Variants in PPM1B observed in about 807,000 individuals in gnomAD.
PPM1B encodes the protein protein phosphatase 1B.
PPM1B carries 22 observed loss-of-function variants against 43.0 expected under a neutral mutation model. That is an observed-to-expected ratio of 0.51 (90% CI 0.37 to 0.73). PPM1B has a LOEUF of 0.73. Ranked by LOEUF, PPM1B falls within the 30% of genes least tolerant of loss-of-function variation. PPM1B has a pLI of 0.00. For synonymous variants in PPM1B, 217 were observed against 197.9 expected, an observed-to-expected ratio of 1.10 and a Z score of -0.81; for missense variants, 632 against 584.2, an observed-to-expected ratio of 1.08 and a Z score of -0.84.
chr2:44,175,298 C>T (rs1035437435), intron 1 of PPM1B, among the ~76,000 whole-genome samples: 3 of 152,068 alleles, frequency 2.0e-5, no homozygotes, highest in Non-Finnish European at 2.9e-5. Flanking sequence ...ATTCAAAGCA[C>T]TCCAAATGTT....
rs994981495 is a variant in PPM1B, at chr2:44,169,271, T to C, written c.-18T>C. Reference sequence around the variant, plus strand: ...CTAGACATCTTCTCCCTCCCTTGCCTCAGGTAAGGCCGCCCGGCACCCCGC... The same window carrying C: ...CTAGACATCTTCTCCCTCCCTTGCCCCAGGTAAGGCCGCCCGGCACCCCGC... On this transcript the variant is annotated 5_prime_UTR_variant, in exon 1 of 6. Transcript: ENST00000282412. 1.3e-5 allele frequency: 2 copies of C among 152,790 alleles called. No individual in the cohort carries two copies. Among genetic ancestry groups the C allele is most frequent in the Non-Finnish European group, 2.9e-5 (2 of 68,226 alleles). The allele number at this position is 152,790 out of a possible 1,614,324, so 9.5% of individuals were successfully genotyped here. A position where few individuals can be genotyped will look rare whatever the true frequency, so the allele number is the denominator to read the frequency against.
intron 1 of PPM1B, among the ~76,000 whole-genome samples, chr2:44,198,675 A>G (rs1452921180): frequency 6.6e-6 from 1 of 152,194 alleles, no homozygotes; most frequent in Non-Finnish European, 1.5e-5. Flanking sequence ...ATGAAACGAA[A>G]TAATAAGAGG....
rs397964846 is a variant in PPM1B, at chr2:44,227,518, C to CTTT, written c.1135-2881_1135-2879dup. Among the ~76,000 whole-genome samples, 118 of 138,966 alleles carry CTTT rather than the reference C, an allele frequency of 8.5e-4. 2 individuals carry two copies. The highest frequency in any genetic ancestry group is 3.8e-3 in the Middle Eastern group (1 of 264). The allele number at this position is 138,966 out of a possible 152,430, so 91.2% of individuals were successfully genotyped here. A position where few individuals can be genotyped will look rare whatever the true frequency, so the allele number is the denominator to read the frequency against. On this transcript the variant is annotated intron_variant, in intron 5 of 5. Transcript: ENST00000282412. ...AAGCATGGGCCATACACAGTATCAT[C>CTTT]TTTTTTTTTTTTTTTTGGAGATGGA...
intron 1 of PPM1B, among the ~76,000 whole-genome samples, chr2:44,179,327 A>C (rs1667745085): frequency 6.6e-6 from 1 of 152,114 alleles, no homozygotes; most frequent in African/African-American, 2.4e-5. Flanking sequence ...AGTACTAATA[A>C]ATTAAATATT....
downstream of PPM1B, chr2:44,233,480 A>G (rs1272025036): frequency 1.0e-6 from 1 of 984,510 alleles, no homozygotes; most frequent in Non-Finnish European, 1.2e-6. Flanking sequence ...GAACATGAAG[A>G]GTAAAGTATT....
downstream of PPM1B, chr2:44,233,612 T>C (rs1433417088): frequency 2.0e-6 from 2 of 985,696 alleles, no homozygotes; most frequent in African/African-American, 3.5e-5. Context: ...CAGCAGGATG[T>C]AATTGCCCTT....
At position 44,218,463 on chromosome 2, in the gene PPM1B, A is replaced by ATGTTTT; in HGVS notation, c.1077-15_1077-10dup. ...CTGTGTAATTTAATAAAACTAAAGC[A>ATGTTTT]TGTTTTTTTTTTTTAGGCGTAATGT... On this transcript the variant is annotated splice_polypyrimidine_tract_variant and intron_variant, in intron 4 of 5. Coordinates refer to ENST00000282412, the MANE Select transcript of PPM1B (RefSeq NM_002706.6). 3 of 1,475,192 alleles carry ATGTTTT rather than the reference A, an allele frequency of 2.0e-6. No individual in the cohort carries two copies. Among genetic ancestry groups the ATGTTTT allele is most frequent in the Non-Finnish European group, 2.8e-6 (3 of 1,075,184 alleles). The allele number at this position is 1,475,192 out of a possible 1,614,324, so 91.4% of individuals were successfully genotyped here.
downstream of PPM1B, among the ~76,000 whole-genome samples, chr2:44,235,057 A>G (rs555570152): frequency 2.6e-4 from 40 of 152,354 alleles, 1 homozygote; most frequent in East Asian, 7.5e-3. Context: ...TAGTCACTTC[A>G]GATAACTGTG....
intron 1 of PPM1B, among the ~76,000 whole-genome samples, chr2:44,189,247 A>G (rs1015702287): frequency 2.6e-5 from 4 of 152,136 alleles, no homozygotes; most frequent in African/African-American, 7.2e-5. Flanking sequence ...TAGAGAATTC[A>G]TCTTAAGTTT....
intron 5 of PPM1B, among the ~76,000 whole-genome samples, chr2:44,223,414 A>G (rs1386125077): frequency 3.3e-5 from 5 of 152,178 alleles, no homozygotes; most frequent in African/African-American, 1.2e-4. Flanking sequence ...AGCTGCTTTT[A>G]CATTTTTATA....
At chr2:44,169,848 T>G (rs1244857163) in intron 1 of PPM1B, among the ~76,000 whole-genome samples, 3 of 152,206 alleles carry the variant, frequency 2.0e-5, no homozygotes, top group Non-Finnish European at 2.9e-5. Context: ...CTGTCTTCCC[T>G]AGCACCATCC....
chr2:44,235,914 C>T (rs114537302), downstream of PPM1B, among the ~76,000 whole-genome samples: 14 of 151,840 alleles, frequency 9.2e-5, no homozygotes, highest in Non-Finnish European at 1.8e-4. Flanking sequence ...AAATATATGT[C>T]TCTTTTATAT....
At chr2:44,209,143 A>G in intron 2 of PPM1B, 67 bp from the exon 3 acceptor site, 2 of 1,325,592 alleles carry the variant, frequency 1.5e-6, no homozygotes, top group Non-Finnish European at 1.0e-6. Flanking sequence ...TGCTTAAAGT[A>G]TTTTGAAGTA....
intron 1 of PPM1B, among the ~76,000 whole-genome samples, chr2:44,194,164 T>C (rs1668542863): frequency 6.6e-6 from 1 of 152,204 alleles, no homozygotes; most frequent in South Asian, 2.1e-4. Context: ...TTGTTTGATT[T>C]ATTTTGCTTT....
chr2:44,190,953 A>G (rs114489570), intron 1 of PPM1B, among the ~76,000 whole-genome samples: 4,457 of 152,248 alleles, frequency 0.029, 220 homozygotes, highest in African/African-American at 0.1. Context: ...CAGCATGAAC[A>G]TTTTTGCTTC....
At chr2:44,202,290 T>C (rs1435604831) in intron 2 of PPM1B, among the ~76,000 whole-genome samples, 1 of 152,218 alleles carries the variant, frequency 6.6e-6, no homozygotes, top group Non-Finnish European at 1.5e-5. Context: ...TCATAGCTTG[T>C]TGCTGTAGCA....
At chr2:44,192,598 A>G (rs1435695258) in intron 1 of PPM1B, among the ~76,000 whole-genome samples, 1 of 152,214 alleles carries the variant, frequency 6.6e-6, no homozygotes, top group Non-Finnish European at 1.5e-5. Context: ...ATGTTATAAC[A>G]TATGTATGCA....
chr2:44,216,499 A>G (rs986609738), intron 3 of PPM1B, among the ~76,000 whole-genome samples: 13 of 152,212 alleles, frequency 8.5e-5, no homozygotes, highest in African/African-American at 3.1e-4. Context: ...AACATCGTGT[A>G]TGTGGGAGTA....
Position 44,231,410 on chromosome 2 carries a change from A to G in PPM1B, c.*692A>G. 1.0e-6 allele frequency: 1 copy of G among 974,926 alleles called. No individual in the cohort carries two copies. Among genetic ancestry groups the G allele is most frequent in the African/African-American group, 1.8e-5 (1 of 57,084 alleles). The allele number at this position is 974,926 out of a possible 1,614,324, so 60.4% of individuals were successfully genotyped here. A position where few individuals can be genotyped will look rare whatever the true frequency, so the allele number is the denominator to read the frequency against. On this transcript the variant is annotated 3_prime_UTR_variant, in exon 6 of 6. Transcript: ENST00000282412. Reference sequence around the variant, plus strand: ...CACACATCAAAATGTATGTCAACCAAGTGTTTAGAATGAAATTATAAGTGT... The same window carrying G: ...CACACATCAAAATGTATGTCAACCAGGTGTTTAGAATGAAATTATAAGTGT...
Sources: allele counts gnomAD v4.1 joint callset (sites outside exome capture counted in the v4.1 genomes callset), GRCh38; gene constraint gnomAD v4.1.1; transcripts MANE v1.5; gene names NCBI Gene and HGNC (gene_info 2026-07-23, HGNC 2026-07-21).